RIMS2: variants seen among roughly 807,000 people sequenced by gnomAD.
The protein encoded by RIMS2 is regulating synaptic membrane exocytosis protein 2.
Under a neutral mutation model 174.4 loss-of-function variants are expected in RIMS2, and 59 were observed. The ratio of observed to expected loss-of-function variants is 0.34; its 90% CI spans 0.27 to 0.42. The LOEUF is 0.42. Among genes scored for constraint, RIMS2 ranks in the 10% least tolerant of loss-of-function variants. The probability of loss-of-function intolerance (pLI) is 1.00; values close to 1 mark genes in which losing one functional copy is unlikely to be tolerated. For missense variants in RIMS2, 1,620 were observed against 1,666.3 expected, an observed-to-expected ratio of 0.97 and a Z score of 0.48; for synonymous variants, 606 against 572.5, an observed-to-expected ratio of 1.06 and a Z score of -0.84.
chr8:103,894,407 G>T (rs183605789), intron 4 of RIMS2, among the ~76,000 whole-genome samples: 4 of 151,730 alleles, frequency 2.6e-5, no homozygotes, highest in African/African-American at 9.7e-5. Context: ...TAATTGTGCA[G>T]TTGAGGACCT....
intron 4 of RIMS2, among the ~76,000 whole-genome samples, chr8:103,908,580 A>C (rs191623574): frequency 3.3e-4 from 50 of 152,236 alleles, no homozygotes; most frequent in African/African-American, 1.1e-3. Flanking sequence ...TCTCCATCTC[A>C]TAAATTTTTT....
chr8:103,742,173 T>A (rs1280315077), intron 2 of RIMS2, among the ~76,000 whole-genome samples: 1 of 152,092 alleles, frequency 6.6e-6, no homozygotes, highest in Non-Finnish European at 1.5e-5. Context: ...GTCTATTTCT[T>A]ATGATTATCC....
At chr8:103,566,904 C>T (rs563673772) in intron 1 of RIMS2, among the ~76,000 whole-genome samples, 110 of 152,220 alleles carry the variant, frequency 7.2e-4, no homozygotes, top group Middle Eastern at 6.8e-3. Context: ...ATTCTCAGAG[C>T]GGTGCAACTA....
intron 1 of RIMS2, among the ~76,000 whole-genome samples, chr8:103,638,214 G>C (rs1485193453): frequency 2.0e-5 from 3 of 152,098 alleles, no homozygotes; most frequent in Non-Finnish European, 2.9e-5. Context: ...TCCACCACTT[G>C]AAGAAAGGGT....
At chr8:104,027,267 A>G (rs183579642) in intron 19 of RIMS2, among the ~76,000 whole-genome samples, 40 of 152,286 alleles carry the variant, frequency 2.6e-4, no homozygotes, top group Admixed American at 2.6e-3. Flanking sequence ...CATAAACTTA[A>G]GTGTACCTGT....
intron 3 of RIMS2, among the ~76,000 whole-genome samples, chr8:103,832,584 G>A (rs1457969093): frequency 6.6e-6 from 1 of 152,066 alleles, no homozygotes; most frequent in Non-Finnish European, 1.5e-5. Context: ...TCGCCTCTAT[G>A]TGTCCATGTG....
intron 2 of RIMS2, among the ~76,000 whole-genome samples, chr8:103,759,479 G>T (rs2098081271): frequency 6.7e-6 from 1 of 149,262 alleles, no homozygotes; most frequent in Admixed American, 6.7e-5. Flanking sequence ...GCAGGAGAAT[G>T]GCGTGAACCT....
chr8:103,694,929 C>T (rs1271082057), intron 1 of RIMS2, among the ~76,000 whole-genome samples: 2 of 152,088 alleles, frequency 1.3e-5, no homozygotes, highest in Admixed American at 6.5e-5. Context: ...TTTGTTTTGG[C>T]ACTGGAGTGG....
chr8:103,501,167 T>A (rs36056848), intron 1 of RIMS2, 105 bp downstream of exon 1: 1 of 859,270 alleles, frequency 1.2e-6, no homozygotes, highest in Non-Finnish European at 1.6e-6. Context: ...TCCCTCCCGC[T>A]GGCGGCGCCC....
intron 1 of RIMS2, among the ~76,000 whole-genome samples, chr8:103,668,500 A>G (rs2096703669): frequency 6.6e-6 from 1 of 152,182 alleles, no homozygotes; most frequent in African/African-American, 2.4e-5. Context: ...TAGCAGAAAT[A>G]TACCTGAAGT....
chr8:104,002,626 G>T (rs999989464), intron 17 of RIMS2, among the ~76,000 whole-genome samples: 1 of 152,118 alleles, frequency 6.6e-6, no homozygotes, highest in Non-Finnish European at 1.5e-5. Context: ...AATAAAATAT[G>T]TATTAATAGC....
rs143736373 is a variant in RIMS2, at chr8:103,911,527, T to A, written c.1693-526T>A. ...GCTTGTGTACACTTTATTATTTTAA[T>A]CTAGAAACCTATGCAAAAAAGCCCT... On this transcript the variant is annotated intron_variant, in intron 5 of 23. Transcript: ENST00000504942. 9.7e-4 allele frequency among the ~76,000 whole-genome samples: 148 copies of A among 152,288 alleles called. 1 individual carries two copies. The highest frequency in any genetic ancestry group is 1.8e-3 in the Non-Finnish European group (120 of 67,996).
chr8:103,587,856 A>T (rs1183600865), intron 1 of RIMS2, among the ~76,000 whole-genome samples: 1 of 152,116 alleles, frequency 6.6e-6, no homozygotes, highest in African/African-American at 2.4e-5. Context: ...CGTGACAGTG[A>T]TGCCCAGTTT....
intron 3 of RIMS2, among the ~76,000 whole-genome samples, chr8:103,786,021 G>A (rs1308710943): frequency 6.6e-6 from 1 of 152,170 alleles, no homozygotes; most frequent in South Asian, 2.1e-4. Flanking sequence ...GTCGAGGAAT[G>A]TATCCATTTC....
chr8:103,959,135 A>G (rs1190380109), intron 14 of RIMS2, among the ~76,000 whole-genome samples: 2 of 152,280 alleles, frequency 1.3e-5, no homozygotes, highest in East Asian at 1.9e-4. Flanking sequence ...AGAAGATTCA[A>G]AAAGGGTATT....
Position 103,595,590 on chromosome 8 carries a change from A to T in RIMS2, c.176+94528A>T, listed in dbSNP as rs138299144. 2.8e-4 allele frequency among the ~76,000 whole-genome samples: 42 copies of T among 152,046 alleles called. 2 individuals are homozygous for T. In the East Asian group the frequency reaches 7.1e-3, roughly 26 times the overall value. ...GGGGCTGTGGAAAATTCCAAGAGAG[A>T]GACCTAAGCAGTCATTTGGATTTGT... On this transcript the variant is annotated intron_variant, in intron 1 of 23. Transcript: ENST00000504942.
intron 19 of RIMS2, among the ~76,000 whole-genome samples, chr8:104,200,791 G>A (rs2099050876): frequency 6.6e-6 from 1 of 152,046 alleles, no homozygotes; most frequent in Non-Finnish European, 1.5e-5. Context: ...GCACACACCT[G>A]TAGTCCCAGC....
At chr8:103,858,118 A>AT (rs1471962092) in intron 3 of RIMS2, among the ~76,000 whole-genome samples, 2 of 152,128 alleles carry the variant, frequency 1.3e-5, no homozygotes, top group Non-Finnish European at 2.9e-5. Context: ...TGTTTTATAG[A>AT]TTTTCTAGGA....
intron 1 of RIMS2, among the ~76,000 whole-genome samples, chr8:103,576,464 G>A (rs1338291161): frequency 6.6e-6 from 1 of 152,168 alleles, no homozygotes; most frequent in African/African-American, 2.4e-5. Flanking sequence ...GGGAACCATG[G>A]TCTCCTCAAA....
Sources: allele counts gnomAD v4.1 joint callset (sites outside exome capture counted in the v4.1 genomes callset), GRCh38; gene constraint gnomAD v4.1.1; transcripts MANE v1.5; gene names NCBI Gene and HGNC (gene_info 2026-07-23, HGNC 2026-07-21).